The following ZNF597 variants were observed in gnomAD, a reference collection of about 807,000 sequenced individuals.
The protein encoded by ZNF597 is zinc finger protein 597.
ZNF597 carries 5 observed loss-of-function variants against 7.3 expected under a neutral mutation model. That is an observed-to-expected ratio of 0.68 (90% CI 0.36 to 1.44). The LOEUF is 1.44. Ranked by LOEUF, ZNF597 falls within the 40% of genes most tolerant of loss-of-function variation. The pLI is 0.04. For missense variants in ZNF597, 585 were observed against 517.9 expected (o/e 1.13, Z -1.26); for synonymous variants, 209 against 185.4 (o/e 1.13, Z -1.04).
At position 3,433,964 on chromosome 16, in the gene ZNF597, C is replaced by G. The variant is rs1361170982; in HGVS notation, c.*2460G>C. The G allele has an allele frequency of 6.9e-6, 1 of 144,046 alleles. No homozygotes were observed. The highest frequency in any genetic ancestry group is 1.5e-5 in the Non-Finnish European group (1 of 66,242). 8.9% of individuals were successfully genotyped at this position (144,046 alleles called of 1,614,324 possible). On this transcript the variant is annotated 3_prime_UTR_variant, in exon 4 of 4. Coordinates refer to ENST00000301744, the MANE Select transcript of ZNF597 (RefSeq NM_152457.3). ...GAAGTTTGTCGTAATCTTCCAAAATCTGGAGAAAACTGCAAAAAAAAAAAT... is the reference window on the plus strand; with the variant it reads ...GAAGTTTGTCGTAATCTTCCAAAATGTGGAGAAAACTGCAAAAAAAAAAAT...
intron 2 of ZNF597, 150 bp from the exon 3 acceptor site, chr16:3,441,083 G>T: frequency 3.4e-5 from 32 of 942,068 alleles, no homozygotes; most frequent in East Asian, 8.8e-5. Flanking sequence ...GGGCAAATGG[G>T]TTCTAAGGGG....
chr16:3,440,143 G>C (rs2034350405), intron 3 of ZNF597, among the ~76,000 whole-genome samples: 1 of 152,162 alleles, frequency 6.6e-6, no homozygotes, highest in Admixed American at 6.5e-5. Context: ...TCTGTGTATG[G>C]TTCCCCTTAG....
In ZNF597 at chr16:3,434,146, T is replaced by A. The variant is rs886528122; in HGVS notation, c.*2278A>T. The A allele has an allele frequency of 1.3e-5, 2 of 152,224 alleles. No individual in the cohort carries two copies. Among genetic ancestry groups the A allele is most frequent in the Admixed American group, 6.5e-5 (1 of 15,272 alleles). The allele number at this position is 152,224 out of a possible 1,614,324, so 9.4% of individuals were successfully genotyped here. On this transcript the variant is annotated 3_prime_UTR_variant, in exon 4 of 4. Coordinates refer to ENST00000301744, the MANE Select transcript of ZNF597 (RefSeq NM_152457.3). ...CATCTTTTATATCACCCCCATTCTGTCCAAGTGCCTTCTAAGATATTCCCC... is the reference window on the plus strand; with the variant it reads ...CATCTTTTATATCACCCCCATTCTGACCAAGTGCCTTCTAAGATATTCCCC...
chr16:3,437,136 TCAC>T lies in ZNF597; in HGVS notation c.560_562del (p.Gly187del), dbSNP rs1555481769. The T allele has an allele frequency of 5.0e-6, 8 of 1,614,062 alleles. No homozygotes were observed. The highest frequency in any genetic ancestry group is 2.2e-5 in the East Asian group (1 of 44,888). The stretch of plus-strand genomic sequence containing the variant: ...TCTATGATTGAAGATCTTTCCACAG[TCAC>T]CACATTTATGTTTTTTCTCTCCTGA... On this transcript the variant is annotated inframe_deletion, in exon 4 of 4. Coordinates refer to ENST00000301744, the MANE Select transcript of ZNF597 (RefSeq NM_152457.3).
At chr16:3,441,038 A>C in intron 2 of ZNF597, 105 bp from the exon 3 acceptor site, 1 of 1,474,100 alleles carries the variant, frequency 6.8e-7, no homozygotes, top group Non-Finnish European at 9.0e-7. Flanking sequence ...ACGGGATAAA[A>C]GGCTCGGTGT....
In ZNF597 at chr16:3,436,600, T is replaced by C. The variant is rs1433773174; in HGVS notation, c.1099A>G (p.Arg367Gly). ...ISHQNIHTEE[R>G]PHKCKTCEES... Reference sequence around the variant, plus strand: ...TCGCATGTTTTGCACTTATGGGGCCTTTCCTCTGTATGAATGTTCTGATGG... The same window carrying C: ...TCGCATGTTTTGCACTTATGGGGCCCTTCCTCTGTATGAATGTTCTGATGG... Residue 367 changes from arginine to glycine, a missense_variant, in exon 4 of 4, where the codon AGG becomes GGG. Transcript: ENST00000301744. 4.4e-6 allele frequency: 7 copies of C among 1,606,650 alleles called. No individual in the cohort carries two copies. The Middle Eastern group carries it at 5.0e-4, about 114-fold the overall frequency.
chr16:3,443,070 C>G (rs373147969), intron 2 of ZNF597, 51 bp downstream of exon 2: 4 of 1,612,504 alleles, frequency 2.5e-6, no homozygotes, highest in African/African-American at 2.7e-5. Context: ...GGGGGTCAGG[C>G]AGAGACCGAA....
Position 3,437,143 on chromosome 16 carries a change from A to C in ZNF597, c.556T>G (p.Cys186Gly). The part of the protein sequence containing the change: ...KIHSGEKKHK[C>G]GDCGKIFNHR... ...TTGAAGATCTTTCCACAGTCACCAC[A>C]TTTATGTTTTTTCTCTCCTGAATGA... The change falls in exon 4 of 4, where the codon TGT becomes GGT. Residue 186 changes from cysteine (C) to glycine (G), a missense_variant. Physicochemically the swap from Cys to Gly is radical, Grantham distance 159. Transcript: ENST00000301744. 1.2e-6 allele frequency: 2 copies of C among 1,614,102 alleles called. No homozygotes were observed. The highest frequency in any genetic ancestry group is 1.7e-6 in the Non-Finnish European group (2 of 1,180,008).
At position 3,437,064 on chromosome 16, in the gene ZNF597, T is replaced by G. The variant is rs771220175; in HGVS notation, c.635A>C (p.Tyr212Ser). ...GCTGGCACTGCACTTGGCACACTTA[T>G]AAGGTTTCTCACCAGTATGGATTCT... ...HRRIHTGEKP[Y>S]KCAKCSASFR... Residue 212 changes from tyrosine (Y) to serine (S), a missense_variant, in exon 4 of 4, where the codon TAT (tyrosine) becomes TCT (serine). Transcript: ENST00000301744. 3 of 1,614,214 alleles carry G rather than the reference T, an allele frequency of 1.9e-6. No homozygotes were observed. The highest frequency in any genetic ancestry group is 2.5e-6 in the Non-Finnish European group (3 of 1,180,034).
chr16:3,439,453 G>C (rs898296736), intron 3 of ZNF597, among the ~76,000 whole-genome samples: 1 of 152,028 alleles, frequency 6.6e-6, no homozygotes, highest in Non-Finnish European at 1.5e-5. Context: ...ACCCAATGCC[G>C]TGGAAAGAAC....
In ZNF597 at chr16:3,434,404, A is replaced by C. The variant is rs1378326360; in HGVS notation, c.*2020T>G. ...TGCCTAATAAGTAATCTAACTGGAG[A>C]CTATCTTTCTACACATTTCAAAGCA... is the stretch of plus-strand genomic sequence containing the variant. On this transcript the variant is annotated 3_prime_UTR_variant, in exon 4 of 4. Coordinates refer to ENST00000301744, the MANE Select transcript of ZNF597 (RefSeq NM_152457.3). 1 of 152,198 alleles carries C rather than the reference A, an allele frequency of 6.6e-6. No homozygotes were observed. The highest frequency in any genetic ancestry group is 1.5e-5 in the Non-Finnish European group (1 of 68,036). 9.4% of individuals were successfully genotyped at this position (152,198 alleles called of 1,614,324 possible). A position where few individuals can be genotyped will look rare whatever the true frequency, so the allele number is the denominator to read the frequency against.
rs2034288433 is a variant in ZNF597, at chr16:3,435,235, GGA to G, written c.*1187_*1188del. 1 of 152,188 alleles carries G rather than the reference GGA, an allele frequency of 6.6e-6. No individual in the cohort carries two copies. The allele number at this position is 152,188 out of a possible 1,614,324, so 9.4% of individuals were successfully genotyped here. On this transcript the variant is annotated 3_prime_UTR_variant, in exon 4 of 4. Coordinates refer to ENST00000301744, the MANE Select transcript of ZNF597 (RefSeq NM_152457.3). ...GACAAGAATTCAAACCTGAAGTCCTGGAGAGTCTTCTGCTGCTTTGTAACTGT... is the reference window on the plus strand; with the variant it reads ...GACAAGAATTCAAACCTGAAGTCCTGGAGTCTTCTGCTGCTTTGTAACTGT...
chr16:3,435,120 T>C lies in ZNF597; in HGVS notation c.*1304A>G, dbSNP rs574860357. 2.0e-5 allele frequency: 3 copies of C among 152,308 alleles called. No individual in the cohort carries two copies. Among genetic ancestry groups the C allele is most frequent in the South Asian group, 4.1e-4 (2 of 4,832 alleles). The allele number at this position is 152,308 out of a possible 1,614,324, so 9.4% of individuals were successfully genotyped here. A position where few individuals can be genotyped will look rare whatever the true frequency, so the allele number is the denominator to read the frequency against. On this transcript the variant is annotated 3_prime_UTR_variant, in exon 4 of 4. Coordinates refer to ENST00000301744, the MANE Select transcript of ZNF597 (RefSeq NM_152457.3). ...ATTTTCTTTGGAGATGGAGAGGAAA[T>C]GTTATGGGTGTTTTTTAAAAAACCA... is the stretch of plus-strand genomic sequence containing the variant.
At chr16:3,438,017 A>G (rs1391039515) in intron 3 of ZNF597, among the ~76,000 whole-genome samples, 2 of 152,134 alleles carry the variant, frequency 1.3e-5, no homozygotes, top group African/African-American at 4.8e-5. Context: ...ACTTGAGGCT[A>G]GGAGTTTGAG....
rs1047173422 is a variant in ZNF597, at chr16:3,433,541, A to G, written c.*2883T>C. The G allele has an allele frequency of 2.0e-5, 3 of 152,228 alleles. No homozygotes were observed. Among genetic ancestry groups the G allele is most frequent in the Non-Finnish European group, 4.4e-5 (3 of 68,038 alleles). The allele number at this position is 152,228 out of a possible 1,614,324, so 9.4% of individuals were successfully genotyped here. A position where few individuals can be genotyped will look rare whatever the true frequency, so the allele number is the denominator to read the frequency against. On this transcript the variant is annotated 3_prime_UTR_variant, in exon 4 of 4. Transcript: ENST00000301744. ...CTTGCATTTAGTTTTTCATTCCCAT[A>G]TTAACTTTTATCCAGTATTTGTGAA...
At position 3,434,761 on chromosome 16, in the gene ZNF597, C is replaced by T. The variant is rs567937454; in HGVS notation, c.*1663G>A. ...TCTGCTACCTTCCATATAATTAGTC[C>T]TCAAGAGTCCTTTATCTTTTCTCCC... On this transcript the variant is annotated 3_prime_UTR_variant, in exon 4 of 4. Transcript: ENST00000301744. 2 of 152,238 alleles carry T rather than the reference C, an allele frequency of 1.3e-5. No homozygotes were observed. The highest frequency in any genetic ancestry group is 1.3e-4 in the Admixed American group (2 of 15,264). 9.4% of individuals were successfully genotyped at this position (152,238 alleles called of 1,614,324 possible).
Position 3,432,665 on chromosome 16 carries a change from C to T in ZNF597, c.*3759G>A, listed in dbSNP as rs1418477225. ...TTATATTGTATTCCCCCCCTACAGA[C>T]TTAATGCAAAGAGGACTGTCAATTT... On this transcript the variant is annotated 3_prime_UTR_variant, in exon 4 of 4. Coordinates refer to ENST00000301744, the MANE Select transcript of ZNF597 (RefSeq NM_152457.3). 1 of 152,160 alleles carries T rather than the reference C, an allele frequency of 6.6e-6. No homozygotes were observed. Among genetic ancestry groups the T allele is most frequent in the Non-Finnish European group, 1.5e-5 (1 of 68,032 alleles). The allele number at this position is 152,160 out of a possible 1,614,324, so 9.4% of individuals were successfully genotyped here.
At position 3,433,672 on chromosome 16, in the gene ZNF597, A is replaced by T. The variant is rs903007626; in HGVS notation, c.*2752T>A. The T allele has an allele frequency of 6.6e-6, 1 of 152,226 alleles. No individual in the cohort carries two copies. The highest frequency in any genetic ancestry group is 1.9e-4 in the East Asian group (1 of 5,196). The allele number at this position is 152,226 out of a possible 1,614,324, so 9.4% of individuals were successfully genotyped here. A position where few individuals can be genotyped will look rare whatever the true frequency, so the allele number is the denominator to read the frequency against. ...GAAGGGTGAAATGCCATCATCATAA[A>T]AAGCCTGAAGCTCACCAGCAGATAT... On this transcript the variant is annotated 3_prime_UTR_variant, in exon 4 of 4. Coordinates refer to ENST00000301744, the MANE Select transcript of ZNF597 (RefSeq NM_152457.3).
chr16:3,443,384 C>T lies in ZNF597; in HGVS notation c.-78G>A. 1 of 553,396 alleles carries T rather than the reference C, an allele frequency of 1.8e-6. No homozygotes were observed. The highest frequency in any genetic ancestry group is 3.2e-5 in the East Asian group (1 of 31,186). The allele number at this position is 553,396 out of a possible 1,614,324, so 34.3% of individuals were successfully genotyped here. A position where few individuals can be genotyped will look rare whatever the true frequency, so the allele number is the denominator to read the frequency against. On this transcript the variant is annotated 5_prime_UTR_variant, in exon 1 of 4. Transcript: ENST00000301744. ...CCGCTCCGCGGTTAATAACAGGCCT[C>T]GCGCTCCCTGACAGGAGCTGCAGAA...
Sources: gnomAD v4.1 joint callset for allele counts (sites outside exome capture counted in the v4.1 genomes callset) on GRCh38, gnomAD v4.1.1 for gene constraint, MANE v1.5 for transcripts, NCBI Gene and HGNC (gene_info 2026-07-23, HGNC 2026-07-21) for gene names.